Variants in SEMA4B observed in about 807,000 individuals in gnomAD.
SEMA4B encodes the protein semaphorin-4B.
A neutral mutation model predicts 88.1 loss-of-function variants in SEMA4B; 55 were observed. The observed-to-expected ratio is 0.62, with a 90% CI of 0.50 to 0.78. The LOEUF is 0.78. Ranked by LOEUF, SEMA4B falls within the 30% of genes least tolerant of loss-of-function variation. SEMA4B has a pLI of 0.00. For missense variants in SEMA4B, 1,062 were observed against 1,111.9 expected, an observed-to-expected ratio of 0.96 and a Z score of 0.64; for synonymous variants, 525 against 473.6, an observed-to-expected ratio of 1.11 and a Z score of -1.41.
At chr15:90,190,243 C>T (rs1960304235) in intron 1 of SEMA4B, 1 of 152,274 alleles carries the variant, frequency 6.6e-6, no homozygotes, top group Admixed American at 6.5e-5. Flanking sequence ...CCTAATACCA[C>T]TGCTTTAGGG....
chr15:90,210,689 G>T (rs1245904742), intron 1 of SEMA4B, among the ~76,000 whole-genome samples: 1 of 152,214 alleles, frequency 6.6e-6, no homozygotes, highest in Non-Finnish European at 1.5e-5. Flanking sequence ...GCATGTGAGG[G>T]AGACACGGAG....
At chr15:90,201,765 C>T in intron 1 of SEMA4B, 30 bp downstream of exon 1, 2 of 1,380,768 alleles carry the variant, frequency 1.4e-6, no homozygotes, top group East Asian at 3.1e-5. Context: ...GGACGCGGGC[C>T]GGGGGAAGGA....
At chr15:90,219,747 G>A in intron 3 of SEMA4B, 46 bp from the exon 4 acceptor site, 1 of 1,500,824 alleles carries the variant, frequency 6.7e-7, no homozygotes, top group South Asian at 1.2e-5. Context: ...CCCCCTGGTG[G>A]CATGCTTGGG....
At chr15:90,206,573 G>T in intron 1 of SEMA4B, 1 of 517,046 alleles carries the variant, frequency 1.9e-6, no homozygotes, top group South Asian at 2.5e-5. Context: ...CACTGCCATG[G>T]CCGAGGAAGG....
At chr15:90,222,954 G>GTATATATATGTATATA (rs1555423711) in intron 7 of SEMA4B, among the ~76,000 whole-genome samples, 44 of 130,620 alleles carry the variant, frequency 3.4e-4, no homozygotes, top group African/African-American at 1.2e-3. Context: ...GTAACTCTGT[G>GTATATATATGTATATA]TATATATATA....
chr15:90,197,882 G>A (rs1960564915), upstream of SEMA4B, among the ~76,000 whole-genome samples: 1 of 151,820 alleles, frequency 6.6e-6, no homozygotes. Context: ...GATGACATCT[G>A]AGCCAGAACC....
chr15:90,197,558 C>T (rs1420994319), upstream of SEMA4B, among the ~76,000 whole-genome samples: 1 of 151,768 alleles, frequency 6.6e-6, no homozygotes, highest in Non-Finnish European at 1.5e-5. Context: ...CTGCCTCAGC[C>T]TCCCGAGTAG....
chr15:90,225,570 G>A, intron 11 of SEMA4B, 91 bp from the exon 12 acceptor site: 1 of 1,437,522 alleles, frequency 7.0e-7, no homozygotes, highest in South Asian at 1.3e-5. Context: ...GCCTCTTGGG[G>A]GTGGCTCTGG....
chr15:90,227,751 A>T, intron 13 of SEMA4B, 109 bp downstream of exon 13: 1 of 1,456,506 alleles, frequency 6.9e-7, no homozygotes, highest in Non-Finnish European at 9.4e-7. Context: ...CTTGCCCCCT[A>T]CCCCTGTAAG....
intron 1 of SEMA4B, among the ~76,000 whole-genome samples, chr15:90,215,408 A>C (rs1295930381): frequency 6.6e-6 from 1 of 152,166 alleles, no homozygotes; most frequent in Non-Finnish European, 1.5e-5. Flanking sequence ...TTTTTCCCAC[A>C]AAAAATAGAA....
At chr15:90,194,808 G>A (rs1283662243) in intron 1 of SEMA4B, among the ~76,000 whole-genome samples, 1 of 152,150 alleles carries the variant, frequency 6.6e-6, no homozygotes, top group Admixed American at 6.5e-5. Flanking sequence ...TCACATTCAT[G>A]TTCTTTCTCT....
chr15:90,225,251 A>C (rs369796950), intron 10 of SEMA4B, 31 bp from the exon 11 acceptor site: 14 of 1,554,046 alleles, frequency 9.0e-6, no homozygotes, highest in Non-Finnish European at 1.1e-5. Context: ...AGTGGGCTCC[A>C]CCCAGGGCCT....
rs766060704 is a variant in SEMA4B, at chr15:90,228,011, C to T, written c.1882C>T (p.Pro628Ser). The change falls in exon 14 of 14, where the codon CCC (proline) becomes TCC (serine). Residue 628 changes from proline to serine, a missense_variant. Coordinates refer to ENST00000411539, the MANE Select transcript of SEMA4B (RefSeq NM_198925.4). ...CCGACTCTGGCTACGCAACGGGGCCCCCGTCAATGCCTCGGCCTCCTGCCA... is the reference window on the plus strand; with the variant it reads ...CCGACTCTGGCTACGCAACGGGGCCTCCGTCAATGCCTCGGCCTCCTGCCA... ...ATRLWLRNGAPVNASASCHVL... is the reference protein window; with the variant it reads ...ATRLWLRNGASVNASASCHVL... 9 of 1,613,972 alleles carry T rather than the reference C, an allele frequency of 5.6e-6. No homozygotes were observed. The South Asian group carries it at 8.8e-5, about 16-fold the overall frequency.
chr15:90,211,210 C>T (rs964544308), intron 1 of SEMA4B, among the ~76,000 whole-genome samples: 7 of 152,144 alleles, frequency 4.6e-5, no homozygotes, highest in Non-Finnish European at 8.8e-5. Context: ...AGGCAGGCTC[C>T]TAAGGTGACG....
Position 90,223,880 on chromosome 15 carries a change from A to G in SEMA4B, c.1086A>G (p.Thr362=), listed in dbSNP as rs1962000346. 6.2e-7 allele frequency: 1 copy of G among 1,613,888 alleles called. No individual in the cohort carries two copies. Among genetic ancestry groups the G allele is most frequent in the South Asian group, 1.1e-5 (1 of 91,086 alleles). Reference sequence around the variant, plus strand: ...AAGGCTCTGCCGTCTGTGTCTTCACAATGAAGGATGTGCAGAGAGTCTTCA... The same window carrying G: ...AAGGCTCTGCCGTCTGTGTCTTCACGATGAAGGATGTGCAGAGAGTCTTCA... ...TTEGSAVCVF[T]MKDVQRVFSG... is the part of the protein sequence containing the mutation. The change falls in exon 9 of 14, where the codon ACA becomes ACG. Residue 362 remains threonine, a synonymous_variant. Transcript: ENST00000411539.
intron 1 of SEMA4B, among the ~76,000 whole-genome samples, chr15:90,215,623 C>G (rs944209545): frequency 6.6e-5 from 10 of 151,806 alleles, no homozygotes; most frequent in African/African-American, 2.2e-4. Flanking sequence ...ACCAGCCTGG[C>G]CAACATGGCA....
At chr15:90,225,252 C>T (rs1460415843) in intron 10 of SEMA4B, 30 bp from the exon 11 acceptor site, 1 of 1,554,284 alleles carries the variant, frequency 6.4e-7, no homozygotes, top group Non-Finnish European at 8.7e-7. Context: ...GTGGGCTCCA[C>T]CCAGGGCCTG....
Position 90,191,562 on chromosome 15 carries a change from G to A in SEMA4B, c.-122+6481G>A, listed in dbSNP as rs187716217. On this transcript the variant is annotated intron_variant, in intron 1 of 14. Transcript: ENST00000332496. Reference sequence around the variant, plus strand: ...CTCCGTCCTAGATGAAGAAGCTGAGGTTCAGAGTGATTGTGTGGCTTGCTA... The same window carrying A: ...CTCCGTCCTAGATGAAGAAGCTGAGATTCAGAGTGATTGTGTGGCTTGCTA... Among the ~76,000 whole-genome samples, 8 of 152,208 alleles carry A rather than the reference G, an allele frequency of 5.3e-5. No homozygotes were observed. The East Asian group carries it at 9.6e-4, about 18-fold the overall frequency.
At chr15:90,193,777 TAGA>T (rs1960415938) in intron 1 of SEMA4B, among the ~76,000 whole-genome samples, 1 of 152,028 alleles carries the variant, frequency 6.6e-6, no homozygotes, top group Admixed American at 6.6e-5. Flanking sequence ...AGGCAGAAGG[TAGA>T]AGAAGGAAAT....
Sources: allele counts gnomAD v4.1 joint callset (sites outside exome capture counted in the v4.1 genomes callset), GRCh38; gene constraint gnomAD v4.1.1; transcripts MANE v1.5; gene names NCBI Gene and HGNC (gene_info 2026-07-23, HGNC 2026-07-21).